The following CDK5RAP1 variants were observed in gnomAD, a reference collection of about 807,000 sequenced individuals.
The protein encoded by CDK5RAP1 is CDK5RAP1 mitochondrial tRNA methylthiotransferase.
CDK5RAP1 carries 62 observed loss-of-function variants against 64.5 expected under a neutral mutation model. That is an observed-to-expected ratio of 0.96 (90% CI 0.78 to 1.19). CDK5RAP1 has a LOEUF of 1.19. Ranked by LOEUF, CDK5RAP1 falls within the 50% of genes most tolerant of loss-of-function variation. CDK5RAP1 has a pLI of 0.00. For synonymous variants in CDK5RAP1, 250 were observed against 261.9 expected, an observed-to-expected ratio of 0.95 and a Z score of 0.44; for missense variants, 657 against 735.0, an observed-to-expected ratio of 0.89 and a Z score of 1.23.
intron 8 of CDK5RAP1, among the ~76,000 whole-genome samples, chr20:33,378,541 T>A (rs1986326638): frequency 6.6e-6 from 1 of 152,202 alleles, no homozygotes; most frequent in South Asian, 2.1e-4. Flanking sequence ...TATTCAGAGT[T>A]GCCACAAACC....
At chr20:33,388,547 C>A (rs149370000) in intron 5 of CDK5RAP1, among the ~76,000 whole-genome samples, 1 of 79,032 alleles carries the variant, frequency 1.3e-5, no homozygotes, top group Non-Finnish European at 2.4e-5. Context: ...TCTCCCTCTC[C>A]CCCTCTCCCT....
At chr20:33,371,246 T>C (rs1984967121) in intron 10 of CDK5RAP1, among the ~76,000 whole-genome samples, 1 of 152,134 alleles carries the variant, frequency 6.6e-6, no homozygotes, top group Admixed American at 6.5e-5. Flanking sequence ...GTGAACTGTG[T>C]TCATGCCACT....
chr20:33,374,241 T>A (rs976478906), intron 8 of CDK5RAP1, 29 bp from the exon 9 acceptor site: 2 of 1,413,162 alleles, frequency 1.4e-6, no homozygotes, highest in Middle Eastern at 1.8e-4. Flanking sequence ...TTATAGGTAA[T>A]CACAATCTCA....
chr20:33,385,374 C>T (rs911705701), intron 7 of CDK5RAP1, among the ~76,000 whole-genome samples: 2 of 152,188 alleles, frequency 1.3e-5, no homozygotes, highest in African/African-American at 2.4e-5. Flanking sequence ...TGCATTACGA[C>T]GACAGTTAAA....
chr20:33,397,010 A>G lies in CDK5RAP1; in HGVS notation c.55T>C (p.Leu19=), dbSNP rs553033933. Residue 19 remains leucine (L), a synonymous_variant, in exon 2 of 14, where the codon TTG becomes CTG. Transcript: ENST00000346416. ...AGCGACAGCCAAGACACAGAGGCCAATGGTCCCCACCCCAGAGACCTCTGC... is the reference window on the plus strand; with the variant it reads ...AGCGACAGCCAAGACACAGAGGCCAGTGGTCCCCACCCCAGAGACCTCTGC... ...QVQRSLGWGP[L]ASVSWLSLRM... is the part of the protein sequence containing the mutation. The G allele has an allele frequency of 1.2e-6, 2 of 1,614,152 alleles. No individual in the cohort carries two copies. Among genetic ancestry groups the G allele is most frequent in the Non-Finnish European group, 1.7e-6 (2 of 1,179,996 alleles).
chr20:33,381,885 A>C (rs1986799850), intron 7 of CDK5RAP1, among the ~76,000 whole-genome samples: 2 of 152,246 alleles, frequency 1.3e-5, no homozygotes, highest in Admixed American at 1.3e-4. Context: ...TACTAAATGC[A>C]ATGTGGATCC....
intron 10 of CDK5RAP1, among the ~76,000 whole-genome samples, chr20:33,371,953 C>A (rs1568690269): frequency 6.6e-6 from 1 of 152,034 alleles, no homozygotes; most frequent in Non-Finnish European, 1.5e-5. Context: ...TAATAAGTTG[C>A]CATAAAGCTA....
intron 7 of CDK5RAP1, 134 bp from the exon 8 acceptor site, chr20:33,379,825 C>CT: frequency 1.5e-6 from 1 of 650,908 alleles, no homozygotes; most frequent in South Asian, 2.0e-5. Context: ...CAAGAGTCAC[C>CT]TATAAGTGTG....
chr20:33,387,276 T>C (rs779577188), intron 6 of CDK5RAP1, 47 bp downstream of exon 6: 2 of 1,384,888 alleles, frequency 1.4e-6, no homozygotes, highest in East Asian at 2.3e-5. Context: ...AAAAAAAGTG[T>C]GAAAGGAGGA....
At chr20:33,371,598 G>C (rs543670231) in intron 10 of CDK5RAP1, among the ~76,000 whole-genome samples, 1 of 152,232 alleles carries the variant, frequency 6.6e-6, no homozygotes, top group African/African-American at 2.4e-5. Context: ...GACCAGCCTG[G>C]ACAACATGGT....
At chr20:33,386,989 C>T (rs564951407) in intron 6 of CDK5RAP1, among the ~76,000 whole-genome samples, 8 of 144,818 alleles carry the variant, frequency 5.5e-5, no homozygotes, top group African/African-American at 1.5e-4. Context: ...CATGGCCAGG[C>T]GCAGTGGCTC....
At chr20:33,364,867 A>C (rs1600706221) in intron 12 of CDK5RAP1, among the ~76,000 whole-genome samples, 2 of 145,788 alleles carry the variant, frequency 1.4e-5, no homozygotes, top group Admixed American at 6.8e-5. Context: ...AGCCACCGTG[A>C]CCAGCCTCTT....
In CDK5RAP1 at chr20:33,366,889, C is replaced by G; in HGVS notation, c.1512G>C (p.Val504=). 1.2e-6 allele frequency: 2 copies of G among 1,614,000 alleles called. No individual in the cohort carries two copies. Among genetic ancestry groups the G allele is most frequent in the South Asian group, 2.2e-5 (2 of 91,046 alleles). The change falls in exon 12 of 14, where the codon GTG becomes GTC. Residue 504 remains valine (V), a synonymous_variant. Transcript: ENST00000346416. ...EEATKANQTS[V]GCTQLVLVEG... is the part of the protein sequence containing the mutation. ...CCACTAGCACCAACTGGGTACAGCCCACAGAGGTCTGATTGGCTTTTGTTG... is the reference window on the plus strand; with the variant it reads ...CCACTAGCACCAACTGGGTACAGCCGACAGAGGTCTGATTGGCTTTTGTTG...
intron 6 of CDK5RAP1, among the ~76,000 whole-genome samples, chr20:33,387,108 C>CA (rs1364158330): frequency 2.7e-5 from 4 of 149,856 alleles, no homozygotes; most frequent in East Asian, 3.9e-4. Flanking sequence ...TGTAAAAATT[C>CA]AAAAAAAAAT....
rs556128085 is a variant in CDK5RAP1, at chr20:33,398,187, A to G, written c.-20-1103T>C. Among the ~76,000 whole-genome samples the G allele has an allele frequency of 2.6e-5, 4 of 152,192 alleles. No individual in the cohort carries two copies. The East Asian group carries it at 7.8e-4, about 30-fold the overall frequency. On this transcript the variant is annotated intron_variant, in intron 1 of 13. Coordinates refer to ENST00000346416, the MANE Select transcript of CDK5RAP1 (RefSeq NM_016408.4). ...GCAGATAAATCTATACACATACAAAATGACCTATGTATAAAGACATTCAGT... is the reference window on the plus strand; with the variant it reads ...GCAGATAAATCTATACACATACAAAGTGACCTATGTATAAAGACATTCAGT...
intron 7 of CDK5RAP1, among the ~76,000 whole-genome samples, chr20:33,380,167 A>G (rs1986553719): frequency 1.3e-5 from 2 of 152,260 alleles, no homozygotes; most frequent in African/African-American, 4.8e-5. Context: ...ATCTCTTCAA[A>G]AAGTTAATGC....
intron 12 of CDK5RAP1, among the ~76,000 whole-genome samples, chr20:33,366,609 C>T (rs1041200993): frequency 5.9e-5 from 9 of 152,050 alleles, no homozygotes; most frequent in African/African-American, 1.7e-4. Context: ...GAGACTCCGT[C>T]TCAAAAAAAG....
chr20:33,378,048 C>T (rs1986239129), intron 8 of CDK5RAP1, among the ~76,000 whole-genome samples: 2 of 152,152 alleles, frequency 1.3e-5, no homozygotes, highest in African/African-American at 4.8e-5. Context: ...TGAACTTTTC[C>T]TTTGCATTTA....
In CDK5RAP1 at chr20:33,360,468, G is replaced by A. The variant is rs753021952; in HGVS notation, c.1566C>T (p.Asp522=). ...VEGLSKRSAT[D]LCGRNDGNLK... Reference sequence around the variant, plus strand: ...GGTTTCCATCATTCCTGCCACACAGGTCAGTGGCAGAGCGTTTACTGAGCT... The same window carrying A: ...GGTTTCCATCATTCCTGCCACACAGATCAGTGGCAGAGCGTTTACTGAGCT... Residue 522 remains aspartate (D), a synonymous_variant, in exon 13 of 14, where the codon GAC becomes GAT. Transcript: ENST00000346416. The A allele has an allele frequency of 7.4e-6, 12 of 1,611,580 alleles. No homozygotes were observed. The South Asian group carries it at 7.7e-5, about 10-fold the overall frequency.
Sources: gnomAD v4.1 joint callset for allele counts (sites outside exome capture counted in the v4.1 genomes callset) on GRCh38, gnomAD v4.1.1 for gene constraint, MANE v1.5 for transcripts, NCBI Gene and HGNC (gene_info 2026-07-23, HGNC 2026-07-21) for gene names.